TUBB8B: variants seen among roughly 807,000 people sequenced by gnomAD.
TUBB8B encodes the protein HSA18p11 beta-tubulin 4Q pseudogene.
A neutral mutation model predicts 31.9 loss-of-function variants in TUBB8B; 26 were observed. That is an observed-to-expected ratio of 0.81 (90% CI 0.60 to 1.13). The LOEUF is 1.13. Among genes scored for constraint, TUBB8B ranks in the 50% most tolerant of loss-of-function variants. TUBB8B has a pLI of 0.00. For missense variants in TUBB8B, 467 were observed against 586.7 expected (o/e 0.80, Z 2.11); for synonymous variants, 173 against 231.0 (o/e 0.75, Z 2.28).
chr18:63,715 C>G, the TUBB8B span, among the ~76,000 whole-genome samples: 5 of 100,114 alleles, frequency 5.0e-5, no homozygotes, highest in Admixed American at 3.4e-4. Flanking sequence ...AACCCTAACA[C>G]TAACCCTAAC....
the TUBB8B span, among the ~76,000 whole-genome samples, chr18:56,422 T>G: frequency 6.6e-6 from 1 of 151,862 alleles, no homozygotes; most frequent in Non-Finnish European, 1.5e-5. Flanking sequence ...GTATGGACAT[T>G]TTTTAAAATA....
chr18:63,522 T>C, the TUBB8B span, among the ~76,000 whole-genome samples: 3 of 151,746 alleles, frequency 2.0e-5, no homozygotes, highest in East Asian at 3.9e-4. Flanking sequence ...CCACTGAGAC[T>C]GCGCTGGTTC....
At chr18:73,387 T>C in the TUBB8B span, 5 of 165,136 alleles carry the variant, frequency 3.0e-5, no homozygotes, top group Admixed American at 6.5e-5. Flanking sequence ...CGGCCCCAGG[T>C]GTCCCCAGGT....
chr18:61,059 G>A, the TUBB8B span, among the ~76,000 whole-genome samples: 6 of 151,680 alleles, frequency 4.0e-5, no homozygotes, highest in Admixed American at 3.9e-4. Context: ...GGGTGTTGAA[G>A]TGTCCAGCCA....
chr18:68,893 T>C, the TUBB8B span, among the ~76,000 whole-genome samples: 9 of 152,170 alleles, frequency 5.9e-5, no homozygotes, highest in Admixed American at 6.5e-5. Flanking sequence ...GAGTATTTAA[T>C]GCATGTTCCC....
the TUBB8B span, among the ~76,000 whole-genome samples, chr18:64,555 T>A: frequency 6.6e-6 from 1 of 150,714 alleles, no homozygotes; most frequent in Non-Finnish European, 1.5e-5. Context: ...GAAACCCCCA[T>A]CTCCACTTAA....
the TUBB8B span, among the ~76,000 whole-genome samples, chr18:67,071 C>A: frequency 6.6e-6 from 1 of 150,898 alleles, no homozygotes; most frequent in African/African-American, 2.4e-5. Context: ...TCTCGGCTCA[C>A]TGCAACCTCT....
upstream of TUBB8B, among the ~76,000 whole-genome samples, chr18:51,127 A>G (rs979082881): frequency 1.1e-4 from 15 of 142,118 alleles, no homozygotes; most frequent in East Asian, 1.6e-3. Flanking sequence ...TGCCTTGATT[A>G]TCTTGTGCTA....
chr18:60,949 CT>C, the TUBB8B span, among the ~76,000 whole-genome samples: 1 of 151,596 alleles, frequency 6.6e-6, no homozygotes, highest in South Asian at 2.1e-4. Context: ...ATGAAATTTT[CT>C]GTAAATATCT....
At position 47,800 on chromosome 18, in the gene TUBB8B, A is replaced by C; in HGVS notation, c.925T>G (p.Cys309Gly). Residue 309 changes from cysteine to glycine, a missense_variant, in exon 4 of 4, where the codon TGC (cysteine) becomes GGC (glycine). Cys to Gly is a radical substitution (Grantham distance 159, BLOSUM62 -3). Around this residue, in one of 2 missense-constraint regions of TUBB8B, gnomAD observed 208 missense variants for 206.7 expected, o/e 1.01. Coordinates refer to ENST00000308911, the MANE Select transcript of TUBB8B (RefSeq NM_001358689.2). ...AAAATGGCAGCCACCGTTAGGTAGC[A>C]GCCGTGACGGGGGTCACAGGCAGCC... is the stretch of plus-strand genomic sequence containing the variant. ...MMAACDPRHG[C>G]YLTVAAIFRG... 4.2e-6 allele frequency: 6 copies of C among 1,429,976 alleles called. 1 individual carries two copies. The highest frequency in any genetic ancestry group is 5.8e-6 in the Non-Finnish European group (6 of 1,042,252). 88.6% of individuals were successfully genotyped at this position (1,429,976 alleles called of 1,614,324 possible).
chr18:72,378 T>G, the TUBB8B span, among the ~76,000 whole-genome samples: 1 of 152,172 alleles, frequency 6.6e-6, no homozygotes, highest in Non-Finnish European at 1.5e-5. Flanking sequence ...TTAATACATT[T>G]CAACTAACTT....
At chr18:64,476 G>T in the TUBB8B span, among the ~76,000 whole-genome samples, 2 of 152,176 alleles carry the variant, frequency 1.3e-5, no homozygotes, top group East Asian at 3.9e-4. Context: ...TATAATCGCA[G>T]CACTTTGGGA....
chr18:68,027 G>T, the TUBB8B span, among the ~76,000 whole-genome samples: 1 of 145,636 alleles, frequency 6.9e-6, no homozygotes, highest in African/African-American at 2.6e-5. Context: ...TATTGCAGCC[G>T]CAATACTGAT....
chr18:55,182 A>G, the TUBB8B span, among the ~76,000 whole-genome samples: 1 of 151,468 alleles, frequency 6.6e-6, no homozygotes, highest in East Asian at 1.9e-4. Context: ...GTTCACTGCA[A>G]CCTCCACCTC....
intron 1 of TUBB8B, 103 bp downstream of exon 1, chr18:49,398 A>G (rs1600577499): frequency 2.5e-6 from 2 of 798,436 alleles, no homozygotes; most frequent in East Asian, 2.9e-5. Flanking sequence ...CCCGGCAGGG[A>G]GCCCAGGGGC....
chr18:62,204 A>G, the TUBB8B span, among the ~76,000 whole-genome samples: 106 of 151,582 alleles, frequency 7.0e-4, 2 homozygotes, highest in Non-Finnish European at 1.1e-3. Context: ...GTCTGCTGTC[A>G]GATGTATTGG....
In TUBB8B at chr18:47,280, G is replaced by T. The variant is rs1289095882; in HGVS notation, c.*110C>A. Reference sequence around the variant, plus strand: ...GCATACTATAAAAATGCTTTAAAACGCAGCAGGAGATGTGAAGACACAAAT... The same window carrying T: ...GCATACTATAAAAATGCTTTAAAACTCAGCAGGAGATGTGAAGACACAAAT... On this transcript the variant is annotated 3_prime_UTR_variant, in exon 4 of 4. Coordinates refer to ENST00000308911, the MANE Select transcript of TUBB8B (RefSeq NM_001358689.2). 6.9e-6 allele frequency: 4 copies of T among 577,110 alleles called. No homozygotes were observed. The highest frequency in any genetic ancestry group is 1.2e-5 in the Non-Finnish European group (4 of 331,086). The allele number at this position is 577,110 out of a possible 1,614,324, so 35.7% of individuals were successfully genotyped here.
chr18:70,805 G>C, the TUBB8B span, among the ~76,000 whole-genome samples: 1 of 151,832 alleles, frequency 6.6e-6, no homozygotes, highest in Non-Finnish European at 1.5e-5. Context: ...TACAAAATTA[G>C]CCACATGCCT....
At chr18:73,268 C>T in the TUBB8B span, 1 of 162,012 alleles carries the variant, frequency 6.2e-6, no homozygotes, top group African/African-American at 2.4e-5. Context: ...CGGCCGCGCT[C>T]GCTCCGCTGC....
Sources: allele counts gnomAD v4.1 joint callset (sites outside exome capture counted in the v4.1 genomes callset), GRCh38; gene constraint gnomAD v4.1.1; regional missense constraint gnomAD v4.1.1; transcripts MANE v1.5; gene names NCBI Gene and HGNC (gene_info 2026-07-23, HGNC 2026-07-21).